Variants in PLCG2 observed in about 807,000 individuals in gnomAD.
The protein encoded by PLCG2 is phospholipase C gamma 2.
In PLCG2, 69 loss-of-function variants were observed where a neutral mutation model predicts 175.6. That is an observed-to-expected ratio of 0.39 (90% CI 0.32 to 0.48). The LOEUF (loss-of-function observed/expected upper bound fraction) is 0.48. Among genes scored for constraint, PLCG2 ranks in the 20% least tolerant of loss-of-function variants. The pLI is 0.91. For synonymous variants in PLCG2, 827 were observed against 624.0 expected (o/e 1.33, Z -4.85); for missense variants, 1,798 against 1,650.9 (o/e 1.09, Z -1.54).
At chr16:81,886,766 C>T (rs1291548794) in intron 9 of PLCG2, among the ~76,000 whole-genome samples, 1 of 152,184 alleles carries the variant, frequency 6.6e-6, no homozygotes, top group Non-Finnish European at 1.5e-5. Flanking sequence ...TAACCTGTAC[C>T]TCCTGGGGTG....
chr16:81,929,600 G>T (rs34639082), intron 24 of PLCG2, among the ~76,000 whole-genome samples: 23,174 of 152,134 alleles, frequency 0.15, 1,978 homozygotes, highest in African/African-American at 0.23. Flanking sequence ...TTCGCCATGT[G>T]GGCCAGGCTG....
chr16:81,815,633 C>G (rs1466082780), intron 2 of PLCG2, among the ~76,000 whole-genome samples: 1 of 152,234 alleles, frequency 6.6e-6, no homozygotes, highest in Non-Finnish European at 1.5e-5. Context: ...ACAAGTCCCT[C>G]TTCAGCTGCT....
intron 16 of PLCG2, 142 bp from the exon 17 acceptor site, chr16:81,908,274 A>G (rs1034805072): frequency 2.8e-6 from 2 of 704,530 alleles, no homozygotes; most frequent in African/African-American, 3.6e-5. Context: ...GTTTTCCCAT[A>G]CCCCTTCGGG....
chr16:81,859,822 C>T (rs1221472368), intron 5 of PLCG2, among the ~76,000 whole-genome samples: 1 of 152,202 alleles, frequency 6.6e-6, no homozygotes, highest in Non-Finnish European at 1.5e-5. Flanking sequence ...AGGCATGAGC[C>T]ACCGCGCCCG....
At chr16:81,744,616 T>A (rs12933287) in intron 1 of PLCG2, among the ~76,000 whole-genome samples, 1 of 151,940 alleles carries the variant, frequency 6.6e-6, no homozygotes, top group East Asian at 1.9e-4. Flanking sequence ...TTTTTTAAGA[T>A]AGTCGTGCTC....
intron 19 of PLCG2, among the ~76,000 whole-genome samples, chr16:81,914,368 G>A (rs1289721434): frequency 1.3e-5 from 2 of 152,136 alleles, no homozygotes; most frequent in Non-Finnish European, 2.9e-5. Context: ...GACAGTGTCC[G>A]GCAGAAAGGA....
At chr16:81,765,661 A>T (rs72831197) in intron 2 of PLCG2, among the ~76,000 whole-genome samples, 669 of 47,132 alleles carry the variant, frequency 0.014, 1 homozygote, top group Middle Eastern at 0.047. Flanking sequence ...AGAAGAAACC[A>T]ACCCTTTTGA....
intron 9 of PLCG2, among the ~76,000 whole-genome samples, chr16:81,885,113 C>T (rs1005199364): frequency 6.6e-6 from 1 of 150,528 alleles, no homozygotes; most frequent in Non-Finnish European, 1.5e-5. Context: ...TACAATGGCT[C>T]TGTCCCATGT....
At chr16:81,780,321 G>A (rs1224903080) in intron 1 of PLCG2, among the ~76,000 whole-genome samples, 1 of 152,172 alleles carries the variant, frequency 6.6e-6, no homozygotes, top group African/African-American at 2.4e-5. Flanking sequence ...GGGCTGTGTC[G>A]AGAATTGGGG....
chr16:81,946,097 C>A, intron 30 of PLCG2, 78 bp from the exon 31 acceptor site: 18 of 1,083,030 alleles, frequency 1.7e-5, no homozygotes, highest in Non-Finnish European at 2.4e-5. Context: ...GCCTATGATC[C>A]CGAGGTAGCC....
Position 81,858,115 on chromosome 16 carries a change from G to T in PLCG2, c.338-148G>T, listed in dbSNP as rs531992344. 578 of 655,698 alleles carry T rather than the reference G, an allele frequency of 8.8e-4. 1 individual carries two copies. Among genetic ancestry groups the T allele is most frequent in the Middle Eastern group, 2.6e-3 (6 of 2,326 alleles). The allele number at this position is 655,698 out of a possible 1,614,324, so 40.6% of individuals were successfully genotyped here. On this transcript the variant is annotated intron_variant, in intron 3 of 32. Transcript: ENST00000564138. ...AAGCAGGTCCTAGGGCCATGACGGT[G>T]TGAAAGGGGATGCTTTCTTTGCCTT...
intron 2 of PLCG2, among the ~76,000 whole-genome samples, chr16:81,833,026 G>C (rs760742098): frequency 4.6e-5 from 7 of 152,226 alleles, no homozygotes; most frequent in Non-Finnish European, 7.3e-5. Context: ...GACCTGGAAA[G>C]GGAAGTCCAG....
intron 2 of PLCG2, among the ~76,000 whole-genome samples, chr16:81,761,914 C>G (rs946967263): frequency 6.7e-6 from 1 of 149,734 alleles, no homozygotes; most frequent in African/African-American, 2.5e-5. Context: ...TCACTCTAAC[C>G]TCTGCCTCCT....
At chr16:81,773,617 A>G (rs1910329885) in intron 2 of PLCG2, among the ~76,000 whole-genome samples, 1 of 152,160 alleles carries the variant, frequency 6.6e-6, no homozygotes, top group African/African-American at 2.4e-5. Context: ...GCCTGGTTGC[A>G]GTCTGGTTCT....
chr16:81,794,132 T>C (rs1911360233), intron 2 of PLCG2, among the ~76,000 whole-genome samples: 1 of 152,138 alleles, frequency 6.6e-6, no homozygotes, highest in Non-Finnish European at 1.5e-5. Flanking sequence ...GTGCTCATCC[T>C]AGAGGCGCCG....
chr16:81,895,953 G>A lies in PLCG2; in HGVS notation c.1193+26G>A, dbSNP rs1196670907. ...GTCAGTTGGCTGATTTCTGGGTGGT[G>A]TGACTTAAAGGGGAAGGCAGCTAGG... is the stretch of plus-strand genomic sequence containing the variant. On this transcript the variant is annotated intron_variant, in intron 13 of 32. Coordinates refer to ENST00000564138, the MANE Select transcript of PLCG2 (RefSeq NM_002661.5). 9 of 1,613,780 alleles carry A rather than the reference G, an allele frequency of 5.6e-6. No homozygotes were observed. In the African/African-American group the frequency reaches 6.7e-5, roughly 12 times the overall value.
At chr16:81,821,157 G>T (rs1904782090) in intron 2 of PLCG2, among the ~76,000 whole-genome samples, 1 of 152,270 alleles carries the variant, frequency 6.6e-6, no homozygotes, top group Non-Finnish European at 1.5e-5. Flanking sequence ...CTCCCAAAGT[G>T]CTGGGATTAC....
chr16:81,961,158 A>G lies in PLCG2; in HGVS notation c.*3160A>G. 1 of 230,070 alleles carries G rather than the reference A, an allele frequency of 4.3e-6. No homozygotes were observed. The highest frequency in any genetic ancestry group is 8.6e-6 in the Non-Finnish European group (1 of 116,070). 14.3% of individuals were successfully genotyped at this position (230,070 alleles called of 1,614,324 possible). On this transcript the variant is annotated 3_prime_UTR_variant, in exon 33 of 33. Coordinates refer to ENST00000564138, the MANE Select transcript of PLCG2 (RefSeq NM_002661.5). ...CCTGTAGATTTCTGAGTCTCTTAGC[A>G]TGTAACTACAAAGGGGTTGGAAGAA...
chr16:81,890,018 G>A (rs1908557669), intron 10 of PLCG2, among the ~76,000 whole-genome samples: 1 of 152,048 alleles, frequency 6.6e-6, no homozygotes, highest in African/African-American at 2.4e-5. Context: ...CTGATTGGTT[G>A]GAGATGCAAT....
Sources: gnomAD v4.1 joint callset for allele counts (sites outside exome capture counted in the v4.1 genomes callset) on GRCh38, gnomAD v4.1.1 for gene constraint, MANE v1.5 for transcripts, NCBI Gene and HGNC (gene_info 2026-07-23, HGNC 2026-07-21) for gene names.